RAP1GAP2: variants seen among roughly 807,000 people sequenced by gnomAD.
The protein encoded by RAP1GAP2 is rap1 GTPase-activating protein 2.
RAP1GAP2 carries 27 observed loss-of-function variants against 95.0 expected under a neutral mutation model. That is an observed-to-expected ratio of 0.28 (90% CI 0.21 to 0.39). The LOEUF is 0.39. Ranked by LOEUF, RAP1GAP2 falls within the 10% of genes least tolerant of loss-of-function variation. The probability of loss-of-function intolerance (pLI) is 1.00; values close to 1 mark genes in which losing one functional copy is unlikely to be tolerated. For synonymous variants in RAP1GAP2, 373 were observed against 380.9 expected (o/e 0.98, Z 0.24); for missense variants, 771 against 970.0 (o/e 0.79, Z 2.72).
intron 2 of RAP1GAP2, among the ~76,000 whole-genome samples, chr17:2,844,765 G>A (rs912575333): frequency 6.6e-6 from 1 of 152,168 alleles, no homozygotes; most frequent in Non-Finnish European, 1.5e-5. Context: ...AAGCCAAGCC[G>A]GAAAGTCTTT....
At chr17:2,911,717 C>T (rs867761560) in intron 3 of RAP1GAP2, among the ~76,000 whole-genome samples, 1 of 151,636 alleles carries the variant, frequency 6.6e-6, no homozygotes, top group East Asian at 1.9e-4. Context: ...GGTGGGGCAG[C>T]CGGAAGGGGC....
At chr17:2,858,259 G>T (rs1372249187) in intron 2 of RAP1GAP2, among the ~76,000 whole-genome samples, 1 of 152,144 alleles carries the variant, frequency 6.6e-6, no homozygotes, top group Non-Finnish European at 1.5e-5. Flanking sequence ...TTTATGAGGA[G>T]GAAGATATGG....
intron 1 of RAP1GAP2, among the ~76,000 whole-genome samples, chr17:2,769,063 C>T (rs1433621608): frequency 6.6e-6 from 1 of 151,258 alleles, no homozygotes; most frequent in Non-Finnish European, 1.5e-5. Context: ...CCTGTCTCTA[C>T]AAAAAATTTA....
At chr17:2,778,194 G>A (rs2068552003) in intron 1 of RAP1GAP2, among the ~76,000 whole-genome samples, 1 of 144,676 alleles carries the variant, frequency 6.9e-6, no homozygotes, top group Admixed American at 6.8e-5. Flanking sequence ...GGGTGGGGTG[G>A]GCATCTGTTG....
intron 2 of RAP1GAP2, among the ~76,000 whole-genome samples, chr17:2,835,282 C>T (rs144919174): frequency 6.0e-4 from 90 of 150,910 alleles, no homozygotes; most frequent in African/African-American, 1.9e-3. Context: ...TGCATTGGCA[C>T]GATCTTGGCT....
chr17:2,928,043 C>T (rs941122265), intron 3 of RAP1GAP2, among the ~76,000 whole-genome samples: 4 of 144,146 alleles, frequency 2.8e-5, no homozygotes, highest in Admixed American at 2.2e-4. Context: ...GTTTTGTTAC[C>T]GTCAGTCAGC....
In RAP1GAP2 at chr17:2,855,408, G is replaced by A. The variant is rs1260378009; in HGVS notation, c.81-49876G>A. ...TTGCTAATCTTCCTTTTGTAATTAAGAGAGAGCAGACCTCCGGCTCCCGGT... is the reference window on the plus strand; with the variant it reads ...TTGCTAATCTTCCTTTTGTAATTAAAAGAGAGCAGACCTCCGGCTCCCGGT... On this transcript the variant is annotated intron_variant, in intron 2 of 24. Coordinates refer to ENST00000254695, the MANE Select transcript of RAP1GAP2 (RefSeq NM_015085.5). This position sits in a 1 kb window ranked among gnomAD's most constrained non-coding sequence, Gnocchi z 4.3. 6.6e-6 allele frequency among the ~76,000 whole-genome samples: 1 copy of A among 152,228 alleles called. No individual in the cohort carries two copies. The highest frequency in any genetic ancestry group is 1.5e-5 in the Non-Finnish European group (1 of 68,048).
chr17:2,770,315 T>C (rs2068365570), intron 1 of RAP1GAP2: 1 of 398,566 alleles, frequency 2.5e-6, no homozygotes, highest in Non-Finnish European at 4.4e-6. Context: ...CACTCTCTCC[T>C]GTCCTGCCCA....
At chr17:2,811,379 G>A (rs779556322) in intron 2 of RAP1GAP2, among the ~76,000 whole-genome samples, 4 of 152,182 alleles carry the variant, frequency 2.6e-5, no homozygotes, top group Non-Finnish European at 4.4e-5. Context: ...TCAGGGCAGG[G>A]TCGGGACGTG....
At chr17:3,017,911 G>A in intron 17 of RAP1GAP2, 150 bp from the exon 18 acceptor site, 1 of 784,666 alleles carries the variant, frequency 1.3e-6, no homozygotes, top group Non-Finnish European at 1.9e-6. Context: ...ATGGGCCTCT[G>A]TGACCGTGTG....
intron 2 of RAP1GAP2, among the ~76,000 whole-genome samples, chr17:2,838,442 C>G (rs545380221): frequency 6.6e-6 from 1 of 152,218 alleles, no homozygotes; most frequent in South Asian, 2.1e-4. Context: ...TTCTTCTGCT[C>G]CAGGGTGAGC....
Position 2,984,989 on chromosome 17 carries a change from C to G in RAP1GAP2, c.736C>G (p.Gln246Glu). 1.2e-6 allele frequency: 2 copies of G among 1,606,718 alleles called. No individual in the cohort carries two copies. Among genetic ancestry groups the G allele is most frequent in the Non-Finnish European group, 1.7e-6 (2 of 1,177,794 alleles). The change falls in exon 11 of 25, where the codon CAA (glutamine) becomes GAA (glutamate). Residue 246 changes from glutamine to glutamate, a missense_variant. Physicochemically the swap from Gln to Glu is conservative, Grantham distance 29. Coordinates refer to ENST00000254695, the MANE Select transcript of RAP1GAP2 (RefSeq NM_015085.5). ...FNPVLYPKAS[Q>E]MIVSYDEHEV... The stretch of plus-strand genomic sequence containing the variant: ...TTCTTGCCACATTTTCCAGGCCTCC[C>G]AAATGATTGTGTCCTATGATGAGCA...
intron 11 of RAP1GAP2, among the ~76,000 whole-genome samples, chr17:2,987,242 A>C (rs2045587555): frequency 6.6e-6 from 1 of 152,272 alleles, no homozygotes; most frequent in Admixed American, 6.5e-5. Context: ...GACCATATCC[A>C]GGATCTGTAT....
intron 2 of RAP1GAP2, among the ~76,000 whole-genome samples, chr17:2,859,584 C>T (rs747369136): frequency 5.3e-5 from 8 of 150,734 alleles, no homozygotes; most frequent in East Asian, 2.0e-4. Context: ...TACAGGTGTC[C>T]GTCACAACAC....
chr17:2,923,723 T>A (rs573750533), intron 3 of RAP1GAP2, among the ~76,000 whole-genome samples: 6 of 151,948 alleles, frequency 3.9e-5, no homozygotes, highest in Middle Eastern at 3.4e-3. Flanking sequence ...TTAAATAAAA[T>A]GATATATGCA....
At chr17:2,912,209 C>A (rs1181633749) in intron 3 of RAP1GAP2, among the ~76,000 whole-genome samples, 2 of 152,226 alleles carry the variant, frequency 1.3e-5, no homozygotes, top group East Asian at 3.9e-4. Context: ...CCTCCTTGCC[C>A]CTCTCTATCC....
chr17:3,001,993 C>A (rs1390096147), intron 14 of RAP1GAP2, among the ~76,000 whole-genome samples: 1 of 143,656 alleles, frequency 7.0e-6, no homozygotes. Flanking sequence ...TTGAGACAGT[C>A]TCGCTGTCAC....
At chr17:2,938,501 C>CCT (rs1304790099) in intron 3 of RAP1GAP2, among the ~76,000 whole-genome samples, 6,557 of 152,194 alleles carry the variant, frequency 0.043, 466 homozygotes, top group African/African-American at 0.15. Flanking sequence ...TGAGCCGGGG[C>CCT]TGGCTTCTCC....
chr17:2,994,324 A>T (rs2045881102), intron 12 of RAP1GAP2, among the ~76,000 whole-genome samples: 1 of 151,976 alleles, frequency 6.6e-6, no homozygotes, highest in African/African-American at 2.4e-5. Context: ...ATCTTATTTC[A>T]TTTTCTTAAA....
Sources: allele counts gnomAD v4.1 joint callset (sites outside exome capture counted in the v4.1 genomes callset), GRCh38; gene constraint gnomAD v4.1.1; non-coding constraint Gnocchi (gnomAD v3.1); transcripts MANE v1.5; gene names NCBI Gene and HGNC (gene_info 2026-07-23, HGNC 2026-07-21).